Variants in HOMER2 observed in about 807,000 individuals in gnomAD.
The protein encoded by HOMER2 is homer protein homolog 2.
In HOMER2, 27 loss-of-function variants were observed where a neutral mutation model predicts 47.0. The observed-to-expected ratio is 0.57, with a 90% CI of 0.42 to 0.79. The LOEUF is 0.79. HOMER2 is among the 30% of genes least tolerant of loss of function. HOMER2 has a pLI of 0.00. For synonymous variants in HOMER2, 161 were observed against 163.8 expected, an observed-to-expected ratio of 0.98 and a Z score of 0.13; for missense variants, 443 against 435.0, an observed-to-expected ratio of 1.02 and a Z score of -0.16.
chr15:82,865,882 G>A (rs766496941), intron 3 of HOMER2, among the ~76,000 whole-genome samples: 1 of 152,218 alleles, frequency 6.6e-6, no homozygotes, highest in Non-Finnish European at 1.5e-5. Context: ...GTATGGAAAC[G>A]TCTGTATGTC....
At chr15:82,859,358 C>T (rs1240793636) in intron 4 of HOMER2, among the ~76,000 whole-genome samples, 1 of 151,708 alleles carries the variant, frequency 6.6e-6, no homozygotes, top group Non-Finnish European at 1.5e-5. Flanking sequence ...CTAACAAAGA[C>T]TATCATGACC....
chr15:82,942,295 T>C (rs2054282440), intron 1 of HOMER2, among the ~76,000 whole-genome samples: 1 of 152,108 alleles, frequency 6.6e-6, no homozygotes, highest in Non-Finnish European at 1.5e-5. Context: ...TACTCAACAT[T>C]CAGGTGATGG....
intron 2 of HOMER2, among the ~76,000 whole-genome samples, chr15:82,879,849 A>G (rs1174171029): frequency 6.6e-6 from 1 of 152,256 alleles, no homozygotes; most frequent in Admixed American, 6.5e-5. Context: ...AGAACTTGCA[A>G]AAACAATGTC....
At chr15:82,851,895 G>C (rs2051407820) in intron 7 of HOMER2, among the ~76,000 whole-genome samples, 1 of 152,234 alleles carries the variant, frequency 6.6e-6, no homozygotes, top group Non-Finnish European at 1.5e-5. Context: ...AGTGTCTTGT[G>C]AAATGTTCAG....
chr15:82,861,348 C>A lies in HOMER2; in HGVS notation c.388-2213G>T, dbSNP rs79555557. On this transcript the variant is annotated intron_variant, in intron 4 of 8. Transcript: ENST00000450735. ...AGGTTAACCAAATAAGCTGTGATAC[C>A]AACACTAGAATGCTGTCCAGTCATT... 3.6e-4 allele frequency among the ~76,000 whole-genome samples: 55 copies of A among 152,152 alleles called. No homozygotes were observed. In the East Asian group the frequency reaches 0.01, roughly 28 times the overall value.
intron 1 of HOMER2, among the ~76,000 whole-genome samples, chr15:82,893,066 G>A (rs1278472044): frequency 6.6e-6 from 1 of 152,102 alleles, no homozygotes; most frequent in East Asian, 1.9e-4. Flanking sequence ...AGACTGCAGG[G>A]CAATTGGTGT....
At chr15:82,978,547 T>C (rs1024949173) in intron 1 of HOMER2, among the ~76,000 whole-genome samples, 9 of 152,154 alleles carry the variant, frequency 5.9e-5, no homozygotes, top group African/African-American at 2.2e-4. Flanking sequence ...AACAGTTTGA[T>C]ATGGGTATGC....
At chr15:82,967,424 TTGC>T (rs1349975331) in intron 1 of HOMER2, among the ~76,000 whole-genome samples, 1 of 152,096 alleles carries the variant, frequency 6.6e-6, no homozygotes, top group Non-Finnish European at 1.5e-5. Flanking sequence ...TACATACAGT[TTGC>T]TACAAAACAA....
At chr15:82,956,965 T>C (rs533602404), upstream of HOMER2, among the ~76,000 whole-genome samples, 1 of 152,246 alleles carries the variant, frequency 6.6e-6, no homozygotes, top group South Asian at 2.1e-4. Context: ...AGTGGCGATA[T>C]CTCTTTGGAC....
intron 3 of HOMER2, among the ~76,000 whole-genome samples, chr15:82,872,098 G>C (rs1334667211): frequency 6.6e-6 from 1 of 152,080 alleles, no homozygotes; most frequent in Non-Finnish European, 1.5e-5. Flanking sequence ...GCAGGTGTGG[G>C]AAGGGGCCAC....
chr15:82,912,160 A>T (rs965458694), intron 1 of HOMER2, among the ~76,000 whole-genome samples: 1 of 152,194 alleles, frequency 6.6e-6, no homozygotes, highest in Non-Finnish European at 1.5e-5. Context: ...CTTTTTATTC[A>T]CAGAATTGCG....
chr15:82,864,433 T>C (rs971187208), intron 3 of HOMER2, among the ~76,000 whole-genome samples, 174 bp from the exon 4 acceptor site: 1 of 152,234 alleles, frequency 6.6e-6, no homozygotes, highest in Non-Finnish European at 1.5e-5. Context: ...TAAACAGCAC[T>C]GGGCAAGGTC....
At chr15:82,966,065 C>T (rs2054672359) in intron 1 of HOMER2, among the ~76,000 whole-genome samples, 1 of 152,184 alleles carries the variant, frequency 6.6e-6, no homozygotes, top group Non-Finnish European at 1.5e-5. Context: ...TGTGCCATTG[C>T]ACTCCAGCCT....
intron 1 of HOMER2, among the ~76,000 whole-genome samples, chr15:82,922,888 C>A (rs2053766325): frequency 6.6e-6 from 1 of 152,176 alleles, no homozygotes; most frequent in Non-Finnish European, 1.5e-5. Flanking sequence ...GCTGTGCCTT[C>A]CTCCAGAATG....
intron 4 of HOMER2, among the ~76,000 whole-genome samples, chr15:82,863,777 A>C (rs2051871507): frequency 6.6e-6 from 1 of 152,214 alleles, no homozygotes; most frequent in Admixed American, 6.5e-5. Flanking sequence ...ACCTCTGTTA[A>C]AACCGGAGAT....
chr15:82,954,405 C>T (rs1039927420), upstream of HOMER2, among the ~76,000 whole-genome samples: 2 of 151,450 alleles, frequency 1.3e-5, no homozygotes, highest in African/African-American at 4.8e-5. Context: ...TCAAGCGATT[C>T]TACTGCCTCA....
intron 1 of HOMER2, among the ~76,000 whole-genome samples, chr15:82,895,683 TC>T (rs2052887330): frequency 6.6e-6 from 1 of 152,204 alleles, no homozygotes; most frequent in African/African-American, 2.4e-5. Flanking sequence ...AGAAGGCCTT[TC>T]TGGGAAGGGA....
exon 2 of HOMER2, chr15:82,837,989 C>T (rs1474038791): frequency 6.6e-6 from 1 of 152,346 alleles, no homozygotes; most frequent in Admixed American, 6.5e-5. Context: ...CCTTTGGGGC[C>T]TAAAAGAGGA....
chr15:82,945,227 A>G (rs2054350237), intron 1 of HOMER2, among the ~76,000 whole-genome samples: 1 of 152,134 alleles, frequency 6.6e-6, no homozygotes, highest in Admixed American at 6.5e-5. Flanking sequence ...TCTTAAAAAA[A>G]AAAAAAAAAA....
Sources: gnomAD v4.1 joint callset for allele counts (sites outside exome capture counted in the v4.1 genomes callset) on GRCh38, gnomAD v4.1.1 for gene constraint, MANE v1.5 for transcripts, NCBI Gene and HGNC (gene_info 2026-07-23, HGNC 2026-07-21) for gene names.